The following CSMD1 variants were observed in gnomAD, a reference collection of about 807,000 sequenced individuals.
CSMD1 encodes CUB and Sushi multiple domains 1, also known as CUB and sushi domain-containing protein 1.
A neutral mutation model predicts 417.5 loss-of-function variants in CSMD1; 213 were observed. That is an observed-to-expected ratio of 0.51 (90% CI 0.46 to 0.57). The LOEUF (loss-of-function observed/expected upper bound fraction) is 0.57. CSMD1 is among the 20% of genes least tolerant of loss of function. The pLI, the probability that CSMD1 is intolerant of heterozygous loss-of-function variation, is 0.00. For missense variants in CSMD1, 6,923 were observed against 4,529.7 expected (o/e 1.53, Z -15.17); for synonymous variants, 2,862 against 1,736.8 (o/e 1.65, Z -16.11).
chr8:4,822,422 C>A (rs887305847), intron 1 of CSMD1, among the ~76,000 whole-genome samples: 4 of 152,042 alleles, frequency 2.6e-5, no homozygotes, highest in African/African-American at 7.2e-5. Context: ...AAAAGATAAT[C>A]TATATGCCTT....
intron 5 of CSMD1, among the ~76,000 whole-genome samples, chr8:3,785,002 T>C (rs1409144147): frequency 6.6e-6 from 1 of 152,212 alleles, no homozygotes; most frequent in African/African-American, 2.4e-5. Context: ...TCAGATTCTC[T>C]AGCTAAACAG....
At chr8:3,425,984 A>T (rs1813812749) in intron 12 of CSMD1, among the ~76,000 whole-genome samples, 1 of 152,232 alleles carries the variant, frequency 6.6e-6, no homozygotes, top group Non-Finnish European at 1.5e-5. Context: ...GTCTCTGTGA[A>T]CAAAAAAGCT....
At position 3,644,969 on chromosome 8, in the gene CSMD1, A is replaced by AAAT. The variant is rs1475556939; in HGVS notation, c.1010-28173_1010-28172insATT. 1.7e-3 allele frequency among the ~76,000 whole-genome samples: 245 copies of AAAT among 140,348 alleles called. 2 individuals are homozygous for AAAT. The highest frequency in any genetic ancestry group is 8.3e-3 in the East Asian group (38 of 4,576). The allele number at this position is 140,348 out of a possible 152,430, so 92.1% of individuals were successfully genotyped here. On this transcript the variant is annotated intron_variant, in intron 7 of 69. Coordinates refer to ENST00000635120, the MANE Select transcript of CSMD1 (RefSeq NM_033225.6). ...ACGGATCACTAAGGCTTTAAATGAA[A>AAAT]AAAAAAAAAAAAAAAAAAAAAAGTC...
intron 8 of CSMD1, among the ~76,000 whole-genome samples, 196 bp downstream of exon 8, chr8:3,616,514 A>C (rs1278261780): frequency 6.6e-6 from 1 of 152,190 alleles, no homozygotes; most frequent in East Asian, 1.9e-4. Context: ...GAAGGGACTA[A>C]TACAGAACTT....
In CSMD1 at chr8:4,636,093, T is replaced by A. The variant is rs1802797135; in HGVS notation, c.302+1249A>T. ...TAAACTAGATGTACACATAAAATTG[T>A]GTTTTCTGTAGAGATTTTTTTCTCA... On this transcript the variant is annotated intron_variant, in intron 2 of 69. Coordinates refer to ENST00000635120, the MANE Select transcript of CSMD1 (RefSeq NM_033225.6). 2.6e-5 allele frequency among the ~76,000 whole-genome samples: 4 copies of A among 152,214 alleles called. No individual in the cohort carries two copies. The South Asian group carries it at 8.3e-4, about 32-fold the overall frequency.
chr8:3,387,286 G>C (rs989869589), intron 18 of CSMD1, among the ~76,000 whole-genome samples: 1 of 152,190 alleles, frequency 6.6e-6, no homozygotes, highest in African/African-American at 2.4e-5. Flanking sequence ...TAAAGTTGAA[G>C]GACAGTTGTT....
intron 3 of CSMD1, among the ~76,000 whole-genome samples, chr8:4,355,305 A>C (rs2128903965): frequency 7.5e-6 from 1 of 132,918 alleles, no homozygotes; most frequent in South Asian, 2.6e-4. Context: ...AAACCACTTC[A>C]TACACACACA....
At chr8:4,529,641 C>A (rs1796689524) in intron 2 of CSMD1, among the ~76,000 whole-genome samples, 1 of 152,090 alleles carries the variant, frequency 6.6e-6, no homozygotes, top group Admixed American at 6.5e-5. Context: ...AAAATTGCAA[C>A]AGGATGTTAA....
chr8:3,459,618 C>T (rs1164036235), intron 12 of CSMD1, among the ~76,000 whole-genome samples: 5 of 152,124 alleles, frequency 3.3e-5, no homozygotes, highest in African/African-American at 9.7e-5. Context: ...AGAGCACCCA[C>T]CACTGAAGGG....
chr8:3,886,381 A>T (rs886113091), intron 5 of CSMD1, among the ~76,000 whole-genome samples: 2 of 152,182 alleles, frequency 1.3e-5, no homozygotes, highest in African/African-American at 4.8e-5. Flanking sequence ...CTGTGGTGGC[A>T]AATTGGTTGT....
At chr8:4,383,576 C>T (rs895980082) in intron 3 of CSMD1, among the ~76,000 whole-genome samples, 2 of 152,084 alleles carry the variant, frequency 1.3e-5, no homozygotes, top group African/African-American at 4.8e-5. Context: ...AATCTGATTA[C>T]AGGGCCCTGA....
At position 4,492,276 on chromosome 8, in the gene CSMD1, C is replaced by T. The variant is rs137973664; in HGVS notation, c.303-72211G>A. ...AGCTAACGATTTAATGTTTTGTCTA[C>T]ACGGGATCTTCTTATGTTGCCCAGG... On this transcript the variant is annotated intron_variant, in intron 2 of 69. Transcript: ENST00000635120. Among the ~76,000 whole-genome samples the T allele has an allele frequency of 3.3e-5, 5 of 152,226 alleles. No homozygotes were observed. The East Asian group carries it at 9.7e-4, about 29-fold the overall frequency.
At chr8:4,080,139 C>T (rs1163353582) in intron 3 of CSMD1, among the ~76,000 whole-genome samples, 4 of 151,930 alleles carry the variant, frequency 2.6e-5, no homozygotes, top group African/African-American at 9.7e-5. Flanking sequence ...GGTACACCTG[C>T]TCAGTTTGCA....
At chr8:4,786,272 T>G (rs1435899520) in intron 1 of CSMD1, among the ~76,000 whole-genome samples, 1 of 152,230 alleles carries the variant, frequency 6.6e-6, no homozygotes, top group Non-Finnish European at 1.5e-5. Context: ...TTTTTCTTTC[T>G]TCTTTCTTTG....
At position 4,225,642 on chromosome 8, in the gene CSMD1, C is replaced by G. The variant is rs143891411; in HGVS notation, c.416-193543G>C. ...TTTTCCTGTCTGATCTGCATCATAA[C>G]CAGAGAAATTAAAAGCAGGAAAGTG... On this transcript the variant is annotated intron_variant, in intron 3 of 69. Coordinates refer to ENST00000635120, the MANE Select transcript of CSMD1 (RefSeq NM_033225.6). Among the ~76,000 whole-genome samples the G allele has an allele frequency of 3.8e-3, 576 of 151,870 alleles. 6 individuals are homozygous for G. The highest frequency in any genetic ancestry group is 0.013 in the African/African-American group (550 of 41,406).
chr8:4,081,424 G>A (rs1585272431), intron 3 of CSMD1, among the ~76,000 whole-genome samples: 1 of 151,912 alleles, frequency 6.6e-6, no homozygotes, highest in South Asian at 2.1e-4. Flanking sequence ...CCTCCTTTTT[G>A]CCTTGGATCA....
chr8:4,152,047 T>C (rs916310821), intron 3 of CSMD1, among the ~76,000 whole-genome samples: 2 of 152,206 alleles, frequency 1.3e-5, no homozygotes, highest in Non-Finnish European at 2.9e-5. Context: ...CATTTGACTA[T>C]GCTTTAATTT....
chr8:4,162,265 C>G (rs1797217990), intron 3 of CSMD1, among the ~76,000 whole-genome samples: 1 of 152,128 alleles, frequency 6.6e-6, no homozygotes, highest in Non-Finnish European at 1.5e-5. Flanking sequence ...TAAAATGTAG[C>G]AGATTTTCCA....
intron 26 of CSMD1, among the ~76,000 whole-genome samples, chr8:3,268,402 C>T (rs13254027): frequency 1.3e-5 from 2 of 150,006 alleles, no homozygotes; most frequent in Non-Finnish European, 3.0e-5. Flanking sequence ...CATTCTCCTG[C>T]CTCAACCTCC....
Sources: allele counts gnomAD v4.1 joint callset (sites outside exome capture counted in the v4.1 genomes callset), GRCh38; gene constraint gnomAD v4.1.1; transcripts MANE v1.5; gene names NCBI Gene and HGNC (gene_info 2026-07-23, HGNC 2026-07-21).